MSRA: variants seen among roughly 807,000 people sequenced by gnomAD.
MSRA encodes the protein mitochondrial peptide methionine sulfoxide reductase.
A neutral mutation model predicts 31.3 loss-of-function variants in MSRA; 54 were observed. The ratio of observed to expected loss-of-function variants is 1.73; its 90% CI spans 1.39 to 2.17. The LOEUF (loss-of-function observed/expected upper bound fraction) is 2.17, where lower values mean the gene tolerates loss of function less well. MSRA is among the 30% of genes most tolerant of loss of function. The probability of loss-of-function intolerance (pLI) is 0.00; values close to 1 mark genes in which losing one functional copy is unlikely to be tolerated. For missense variants in MSRA, 507 were observed against 300.9 expected, an observed-to-expected ratio of 1.69 and a Z score of -5.07; for synonymous variants, 169 against 116.5, an observed-to-expected ratio of 1.45 and a Z score of -2.90.
At chr8:10,333,775 C>G (rs1406293176) in intron 5 of MSRA, among the ~76,000 whole-genome samples, 3 of 151,764 alleles carry the variant, frequency 2.0e-5, no homozygotes, top group African/African-American at 4.8e-5. Flanking sequence ...TTCCTCTGAC[C>G]CTTATGAGAG....
intron 3 of MSRA, among the ~76,000 whole-genome samples, chr8:10,278,275 C>G (rs1346867030): frequency 6.6e-6 from 1 of 152,092 alleles, no homozygotes; most frequent in Admixed American, 6.5e-5. Context: ...TGCATAAATT[C>G]CTTTACAACA....
intron 5 of MSRA, among the ~76,000 whole-genome samples, chr8:10,365,417 T>G (rs1215660584): frequency 6.6e-6 from 1 of 152,158 alleles, no homozygotes; most frequent in Non-Finnish European, 1.5e-5. Flanking sequence ...CATCTTAAAA[T>G]AACGCCTCCG....
At chr8:10,061,326 T>G (rs1391132567) in intron 1 of MSRA, among the ~76,000 whole-genome samples, 1 of 152,186 alleles carries the variant, frequency 6.6e-6, no homozygotes, top group Non-Finnish European at 1.5e-5. Flanking sequence ...GAAAGACCTG[T>G]ATTGTCCATA....
chr8:10,095,824 T>C, intron 1 of MSRA: 2 of 1,244,414 alleles, frequency 1.6e-6, no homozygotes, highest in Non-Finnish European at 2.0e-6. Flanking sequence ...AAAGCCTTTT[T>C]CAAAACGAAG....
At chr8:10,219,115 A>G (rs1810258826) in intron 2 of MSRA, among the ~76,000 whole-genome samples, 1 of 152,208 alleles carries the variant, frequency 6.6e-6, no homozygotes, top group African/African-American at 2.4e-5. Flanking sequence ...CTAGATGTGC[A>G]ATGCCTTCAA....
intron 1 of MSRA, among the ~76,000 whole-genome samples, chr8:10,205,433 C>T (rs1453574684): frequency 6.6e-6 from 1 of 151,964 alleles, no homozygotes; most frequent in Non-Finnish European, 1.5e-5. Flanking sequence ...AGGCCCATTC[C>T]CAAAGGTGGG....
At chr8:10,224,844 T>G in intron 2 of MSRA, among the ~76,000 whole-genome samples, 1 of 152,220 alleles carries the variant, frequency 6.6e-6, no homozygotes, top group Non-Finnish European at 1.5e-5. Flanking sequence ...TCTCCTAGCC[T>G]TTTTTAAATG....
intron 1 of MSRA, among the ~76,000 whole-genome samples, chr8:10,090,353 T>TC (rs1193002436): frequency 1.3e-5 from 2 of 152,026 alleles, no homozygotes; most frequent in Admixed American, 1.3e-4. Context: ...AACCAAGAAG[T>TC]CAAAACAGTA....
chr8:10,213,897 C>T (rs1000205658), intron 2 of MSRA, among the ~76,000 whole-genome samples: 5 of 152,066 alleles, frequency 3.3e-5, no homozygotes, highest in African/African-American at 7.2e-5. Flanking sequence ...TGGGAACTCA[C>T]GTCCAGGCTT....
At chr8:10,411,698 T>C (rs530706180) in intron 5 of MSRA, 1 of 152,370 alleles carries the variant, frequency 6.6e-6, no homozygotes, top group East Asian at 1.9e-4. Flanking sequence ...ACAACCTTTA[T>C]TGTCTTAATC....
chr8:10,124,965 T>C (rs1801395980), intron 1 of MSRA, among the ~76,000 whole-genome samples: 1 of 152,234 alleles, frequency 6.6e-6, no homozygotes, highest in Admixed American at 6.5e-5. Context: ...TATGATTAAC[T>C]AGATACATTA....
intron 1 of MSRA, among the ~76,000 whole-genome samples, chr8:10,124,226 A>G (rs978475159): frequency 6.6e-6 from 1 of 152,344 alleles, no homozygotes; most frequent in Admixed American, 6.5e-5. Context: ...ATAAGTGGAC[A>G]GGGAGATCAT....
chr8:10,124,553 C>T (rs1233548125), intron 1 of MSRA, among the ~76,000 whole-genome samples: 1 of 152,228 alleles, frequency 6.6e-6, no homozygotes, highest in Non-Finnish European at 1.5e-5. Context: ...CTTCTTGCTC[C>T]TATGATTCTA....
chr8:10,148,051 G>C (rs531415717), intron 1 of MSRA, among the ~76,000 whole-genome samples: 2 of 152,226 alleles, frequency 1.3e-5, no homozygotes, highest in African/African-American at 4.8e-5. Flanking sequence ...ACAGCCGTGG[G>C]GCTGACGTGA....
At chr8:10,055,518 C>T (rs950897333) in intron 1 of MSRA, among the ~76,000 whole-genome samples, 1 of 152,250 alleles carries the variant, frequency 6.6e-6, no homozygotes, top group African/African-American at 2.4e-5. Context: ...AGCATCACCA[C>T]CTGGGTGGGC....
chr8:10,199,267 G>C (rs1047522547), intron 1 of MSRA, among the ~76,000 whole-genome samples: 1 of 152,128 alleles, frequency 6.6e-6, no homozygotes, highest in African/African-American at 2.4e-5. Flanking sequence ...AGGGAATAGG[G>C]GGCATGGTAG....
chr8:10,168,946 A>G (rs543113166), intron 1 of MSRA, among the ~76,000 whole-genome samples: 1 of 152,026 alleles, frequency 6.6e-6, no homozygotes, highest in Non-Finnish European at 1.5e-5. Flanking sequence ...TCATGATATA[A>G]AGATTGAGTT....
chr8:10,148,801 C>CAA (rs372289649), intron 1 of MSRA, among the ~76,000 whole-genome samples: 1 of 89,080 alleles, frequency 1.1e-5, no homozygotes, highest in African/African-American at 4.2e-5. Flanking sequence ...GACCCTGTCG[C>CAA]AAAAAAAAAA....
intron 2 of MSRA, among the ~76,000 whole-genome samples, chr8:10,218,114 C>CAATTTATT (rs1554493658): frequency 7.2e-6 from 1 of 138,756 alleles, no homozygotes; most frequent in African/African-American, 2.7e-5. Flanking sequence ...GGTTCCTTTT[C>CAATTTATT]TATTTATTTA....
Sources: allele counts gnomAD v4.1 joint callset (sites outside exome capture counted in the v4.1 genomes callset), GRCh38; gene constraint gnomAD v4.1.1; transcripts MANE v1.5; gene names NCBI Gene and HGNC (gene_info 2026-07-23, HGNC 2026-07-21).